Variants in NFAT5 observed in about 807,000 individuals in gnomAD.
The protein encoded by NFAT5 is nuclear factor of activated T-cells 5.
In NFAT5, 31 loss-of-function variants were observed where a neutral mutation model predicts 166.5. That is an observed-to-expected ratio of 0.19 (90% CI 0.14 to 0.25). The LOEUF (loss-of-function observed/expected upper bound fraction) is 0.25. Ranked by LOEUF, NFAT5 falls within the 10% of genes least tolerant of loss-of-function variation. The probability of loss-of-function intolerance (pLI) is 1.00; values close to 1 mark genes in which losing one functional copy is unlikely to be tolerated. For missense variants in NFAT5, 1,449 were observed against 1,821.8 expected (o/e 0.80, Z 3.72); for synonymous variants, 612 against 639.7 (o/e 0.96, Z 0.65).
chr16:69,636,380 T>C (rs1436115129), intron 3 of NFAT5, among the ~76,000 whole-genome samples: 1 of 152,192 alleles, frequency 6.6e-6, no homozygotes, highest in Non-Finnish European at 1.5e-5. Context: ...CTGGAAGACA[T>C]TGGCCCTCTC....
intron 10 of NFAT5, among the ~76,000 whole-genome samples, chr16:69,678,864 A>T (rs2036939847): frequency 6.6e-6 from 1 of 152,260 alleles, no homozygotes; most frequent in African/African-American, 2.4e-5. Context: ...AGAAAACAGT[A>T]GCTAGGACAG....
chr16:69,593,345 T>A lies in NFAT5; in HGVS notation c.127+24797T>A, dbSNP rs59851712. On this transcript the variant is annotated intron_variant, in intron 2 of 14. Transcript: ENST00000349945. ...CAGTTACTTCTTTTTTAAAAAAAAA[T>A]TTTTTTAATTTTAAGACAGGGTCTC... Among the ~76,000 whole-genome samples the A allele has an allele frequency of 2.8e-3, 420 of 152,120 alleles. 3 individuals carry two copies. The highest frequency in any genetic ancestry group is 7.8e-3 in the African/African-American group (323 of 41,478).
At chr16:69,642,660 T>TA (rs1223743908) in intron 3 of NFAT5, among the ~76,000 whole-genome samples, 1 of 151,194 alleles carries the variant, frequency 6.6e-6, no homozygotes, top group East Asian at 2.0e-4. Flanking sequence ...CTACTAAAAA[T>TA]ACAAAAATTA....
At chr16:69,668,207 CGAACTCCTG>C (rs1470820963) in intron 7 of NFAT5, among the ~76,000 whole-genome samples, 5 of 152,070 alleles carry the variant, frequency 3.3e-5, no homozygotes, top group Admixed American at 3.3e-4. Context: ...CTGACCTCCT[CGAACTCCTG>C]ACCTCAGGTG....
Position 69,566,158 on chromosome 16 carries a change from T to C in NFAT5, c.-144T>C, listed in dbSNP as rs2016017661. The stretch of plus-strand genomic sequence containing the variant: ...TCCTCGGTCCTCGGCCCAGTGGAAG[T>C]CACTACCCTCGAGGAGGAGGCAGCG... On this transcript the variant is annotated 5_prime_UTR_variant, in exon 1 of 15. Coordinates refer to ENST00000349945, the MANE Select transcript of NFAT5 (RefSeq NM_138713.4). This position sits in a 1 kb window ranked among gnomAD's most constrained non-coding sequence, Gnocchi z 5.7. 3.7e-5 allele frequency: 24 copies of C among 640,866 alleles called. No homozygotes were observed. The South Asian group carries it at 4.2e-4, about 11-fold the overall frequency. 39.7% of individuals were successfully genotyped at this position (640,866 alleles called of 1,614,324 possible). A position where few individuals can be genotyped will look rare whatever the true frequency, so the allele number is the denominator to read the frequency against.
intron 2 of NFAT5, among the ~76,000 whole-genome samples, chr16:69,588,977 C>CTTTTTTTT (rs1409931325): frequency 2.5e-5 from 2 of 78,566 alleles, no homozygotes; most frequent in African/African-American, 8.7e-5. Flanking sequence ...TCTTTTCCTA[C>CTTTTTTTT]TTCTTTTTTT....
intron 11 of NFAT5, among the ~76,000 whole-genome samples, chr16:69,686,758 G>T (rs2037322792): frequency 6.6e-6 from 1 of 152,020 alleles, no homozygotes; most frequent in Admixed American, 6.6e-5. Flanking sequence ...CAGCTGCTTG[G>T]GAGATTGGGC....
intron 2 of NFAT5, among the ~76,000 whole-genome samples, chr16:69,590,321 C>T (rs2032382819): frequency 6.6e-6 from 1 of 152,064 alleles, no homozygotes; most frequent in Admixed American, 6.6e-5. Context: ...GACAATTTTG[C>T]TATGGTATGC....
chr16:69,580,949 C>T lies in NFAT5; in HGVS notation c.127+12401C>T, dbSNP rs559699936. ...GGATTACAGGCGTGAGCTGCCGCAC[C>T]CGGCCGAAATCCAAATTCTTAAAAC... On this transcript the variant is annotated intron_variant, in intron 2 of 14. Coordinates refer to ENST00000349945, the MANE Select transcript of NFAT5 (RefSeq NM_138713.4). 2.0e-5 allele frequency among the ~76,000 whole-genome samples: 3 copies of T among 152,264 alleles called. No individual in the cohort carries two copies. In the South Asian group the frequency reaches 6.2e-4, roughly 32 times the overall value.
At chr16:69,695,536 T>A in intron 14 of NFAT5, 157 bp downstream of exon 14, 2 of 628,314 alleles carry the variant, frequency 3.2e-6, no homozygotes, top group Non-Finnish European at 5.5e-6. Flanking sequence ...AATGATAGCT[T>A]ATGGTCATAT....
At chr16:69,609,120 C>CA (rs112743547) in intron 2 of NFAT5, among the ~76,000 whole-genome samples, 2,753 of 132,850 alleles carry the variant, frequency 0.021, 86 homozygotes, top group African/African-American at 0.064. Context: ...GACTCCGCCT[C>CA]AAAAAAAAAA....
Position 69,695,486 on chromosome 16 carries a change from C to T in NFAT5, c.*8+107C>T. The T allele has an allele frequency of 5.3e-6, 4 of 755,624 alleles. No homozygotes were observed. In the South Asian group the frequency reaches 5.3e-5, roughly 10 times the overall value. The allele number at this position is 755,624 out of a possible 1,614,324, so 46.8% of individuals were successfully genotyped here. Reference sequence around the variant, plus strand: ...CTAATCTTTTAAAATGTGGCTTTCTCACAAGATGATACTTTTTTACTCTGA... The same window carrying T: ...CTAATCTTTTAAAATGTGGCTTTCTTACAAGATGATACTTTTTTACTCTGA... On this transcript the variant is annotated intron_variant, in intron 14 of 14. Transcript: ENST00000349945.
At chr16:69,664,433 C>T (rs767218362) in intron 7 of NFAT5, among the ~76,000 whole-genome samples, 1 of 152,052 alleles carries the variant, frequency 6.6e-6, no homozygotes, top group Non-Finnish European at 1.5e-5. Context: ...TACAGGTGCC[C>T]ATTACCACGC....
At chr16:69,677,014 A>C (rs1346665887) in intron 9 of NFAT5, 189 bp from the exon 10 acceptor site, 2 of 534,976 alleles carry the variant, frequency 3.7e-6, no homozygotes, top group Admixed American at 7.7e-5. Context: ...ATTATAAAAC[A>C]CTTGGATTTT....
chr16:69,647,608 A>T lies in NFAT5; in HGVS notation c.812+22A>T. The T allele has an allele frequency of 3.3e-6, 5 of 1,525,974 alleles. No individual in the cohort carries two copies. The highest frequency in any genetic ancestry group is 4.4e-6 in the Non-Finnish European group (5 of 1,143,138). 94.5% of individuals were successfully genotyped at this position (1,525,974 alleles called of 1,614,324 possible). ...ATGGGTTGGTATTCACATTTTTTAA[A>T]ATTCTATCATCATTATGCAAAACAA... On this transcript the variant is annotated intron_variant, in intron 4 of 14. Coordinates refer to ENST00000349945, the MANE Select transcript of NFAT5 (RefSeq NM_138713.4). This position sits in a 1 kb window ranked among gnomAD's most constrained non-coding sequence, Gnocchi z 4.8.
At chr16:69,640,115 T>C (rs1329835587) in intron 3 of NFAT5, among the ~76,000 whole-genome samples, 1 of 152,222 alleles carries the variant, frequency 6.6e-6, no homozygotes, top group African/African-American at 2.4e-5. Context: ...AGTTGTTTTT[T>C]CTATTAATAC....
intron 2 of NFAT5, among the ~76,000 whole-genome samples, chr16:69,592,711 T>G (rs2032545283): frequency 6.6e-6 from 1 of 152,214 alleles, no homozygotes; most frequent in Admixed American, 6.5e-5. Flanking sequence ...AAAAATGCAT[T>G]CTAGCTAAAA....
rs2016083145 is a variant in NFAT5 at position 69,566,857 on chromosome 16, T to G, written c.73+483T>G. On this transcript the variant is annotated intron_variant, in intron 1 of 14. Coordinates refer to ENST00000349945, the MANE Select transcript of NFAT5 (RefSeq NM_138713.4). This position sits in a 1 kb window ranked among gnomAD's most constrained non-coding sequence, Gnocchi z 5.7. The stretch of plus-strand genomic sequence containing the variant: ...CGGTTCTGAGTGCAGGGTCACCATT[T>G]TCCTCCCTTTCCAGCTTGTTTTTGC... Among the ~76,000 whole-genome samples, 1 of 152,124 alleles carries G rather than the reference T, an allele frequency of 6.6e-6. No homozygotes were observed. The highest frequency in any genetic ancestry group is 2.1e-4 in the South Asian group (1 of 4,828).
At chr16:69,630,590 A>G (rs916375195) in intron 3 of NFAT5, among the ~76,000 whole-genome samples, 2 of 152,238 alleles carry the variant, frequency 1.3e-5, no homozygotes, top group African/African-American at 2.4e-5. Context: ...CCATTTTGTA[A>G]GTTCTCAGTA....
Sources: gnomAD v4.1 joint callset for allele counts (sites outside exome capture counted in the v4.1 genomes callset) on GRCh38, gnomAD v4.1.1 for gene constraint, Gnocchi (gnomAD v3.1) non-coding constraint, MANE v1.5 for transcripts, NCBI Gene and HGNC (gene_info 2026-07-23, HGNC 2026-07-21) for gene names.